ESR1: variants seen among roughly 807,000 people sequenced by gnomAD.
ESR1 encodes estrogen receptor 1, also known as estrogen receptor.
In ESR1, 12 loss-of-function variants were observed where a neutral mutation model predicts 52.7. The ratio of observed to expected loss-of-function variants is 0.23; its 90% CI spans 0.15 to 0.37. The LOEUF (loss-of-function observed/expected upper bound fraction) is 0.37. Ranked by LOEUF, ESR1 falls within the 10% of genes least tolerant of loss-of-function variation. ESR1 has a pLI of 1.00. For missense variants in ESR1, 584 were observed against 779.7 expected (o/e 0.75, Z 2.99); for synonymous variants, 305 against 316.8 (o/e 0.96, Z 0.39).
chr6:151,806,530 GTATATATATATA>G (rs56020486), upstream of ESR1, among the ~76,000 whole-genome samples: 32 of 96,446 alleles, frequency 3.3e-4, no homozygotes, highest in Admixed American at 9.5e-4. Context: ...TCCTTAATAT[GTATATATATATA>G]TATATATATA....
intron 4 of ESR1, among the ~76,000 whole-genome samples, chr6:151,969,502 T>C (rs1426867267): frequency 6.6e-6 from 1 of 152,212 alleles, no homozygotes; most frequent in Non-Finnish European, 1.5e-5. Flanking sequence ...CATTTTCCCA[T>C]GTCTCCCATC....
At chr6:151,792,019 A>T (rs1225637442) in intron 2 of ESR1, among the ~76,000 whole-genome samples, 1 of 152,222 alleles carries the variant, frequency 6.6e-6, no homozygotes, top group Admixed American at 6.5e-5. Flanking sequence ...TGCCAACCTC[A>T]GTGGTATAGC....
In ESR1 at chr6:151,808,042, C is replaced by G. The variant is rs746329715; in HGVS notation, c.130C>G (p.Leu44Val). 6.2e-7 allele frequency: 1 copy of G among 1,613,640 alleles called. No individual in the cohort carries two copies. The highest frequency in any genetic ancestry group is 1.7e-5 in the Admixed American group (1 of 59,990). Residue 44 changes from leucine to valine, a missense_variant, in exon 1 of 8, where the codon CTG becomes GTG. Around this residue, in one of 6 missense-constraint regions of ESR1, gnomAD observed 251 missense variants for 246.1 expected, o/e 1.02. Coordinates refer to ENST00000206249, the MANE Select transcript of ESR1 (RefSeq NM_000125.4). ...PLERPLGEVY[L>V]DSSKPAVYNY... ...GGAGCGGCCCCTGGGCGAGGTGTAC[C>G]TGGACAGCAGCAAGCCCGCCGTGTA... is the stretch of plus-strand genomic sequence containing the variant.
intron 6 of ESR1, among the ~76,000 whole-genome samples, chr6:152,109,981 C>T (rs1299404205): frequency 2.0e-5 from 3 of 152,206 alleles, no homozygotes; most frequent in Admixed American, 6.5e-5. Flanking sequence ...TACACACCCA[C>T]ATTCATACAC....
chr6:151,746,917 T>C (rs1783526105), intron 2 of ESR1, among the ~76,000 whole-genome samples: 1 of 152,204 alleles, frequency 6.6e-6, no homozygotes, highest in Non-Finnish European at 1.5e-5. Flanking sequence ...TGGATTGTGG[T>C]GGCATTACAT....
intron 2 of ESR1, among the ~76,000 whole-genome samples, chr6:151,738,533 T>C (rs1030156350): frequency 1.3e-5 from 2 of 152,226 alleles, no homozygotes; most frequent in African/African-American, 4.8e-5. Flanking sequence ...CTCGCTATTT[T>C]TTGGGTGTTA....
At chr6:151,909,289 A>G (rs954483383) in intron 3 of ESR1, among the ~76,000 whole-genome samples, 4 of 152,202 alleles carry the variant, frequency 2.6e-5, no homozygotes, top group Admixed American at 6.5e-5. Flanking sequence ...GCAAAAGAGT[A>G]GAGATGTTTT....
At chr6:151,743,731 T>C (rs1011207828) in intron 2 of ESR1, among the ~76,000 whole-genome samples, 4 of 152,228 alleles carry the variant, frequency 2.6e-5, no homozygotes, top group African/African-American at 9.6e-5. Flanking sequence ...ACTCTCCCAA[T>C]GTGTCATTTA....
chr6:151,837,851 G>C (rs1477017718), intron 1 of ESR1, among the ~76,000 whole-genome samples: 5 of 152,130 alleles, frequency 3.3e-5, no homozygotes, highest in Non-Finnish European at 5.9e-5. Flanking sequence ...TAGTAATTTT[G>C]CTAAAGAAGT....
rs537456317 is a variant in ESR1 at position 151,807,763 on chromosome 6, G to A, written c.-150G>A. 3.8e-6 allele frequency: 3 copies of A among 792,508 alleles called. No homozygotes were observed. The African/African-American group carries it at 5.1e-5, about 13-fold the overall frequency. 49.1% of individuals were successfully genotyped at this position (792,508 alleles called of 1,614,324 possible). Reference sequence around the variant, plus strand: ...TTCACCGGACCCGCAGGCTCCCGGGGCAGGGCCGGGGCCAGAGCTCGCGTG... The same window carrying A: ...TTCACCGGACCCGCAGGCTCCCGGGACAGGGCCGGGGCCAGAGCTCGCGTG... On this transcript the variant is annotated 5_prime_UTR_variant, in exon 1 of 8. Coordinates refer to ENST00000206249, the MANE Select transcript of ESR1 (RefSeq NM_000125.4).
chr6:151,939,814 T>A (rs567659552), intron 3 of ESR1, among the ~76,000 whole-genome samples: 2 of 152,268 alleles, frequency 1.3e-5, no homozygotes, highest in Non-Finnish European at 2.9e-5. Flanking sequence ...TGTACCTACA[T>A]AATGGATTAA....
intron 5 of ESR1, among the ~76,000 whole-genome samples, chr6:152,033,584 C>G (rs1379741642): frequency 6.6e-6 from 1 of 152,150 alleles, no homozygotes. Context: ...CAAATCAAAA[C>G]CACAATGAGA....
intron 6 of ESR1, among the ~76,000 whole-genome samples, chr6:152,093,647 C>T (rs1273285700): frequency 2.0e-5 from 3 of 152,114 alleles, no homozygotes; most frequent in Non-Finnish European, 4.4e-5. Flanking sequence ...GGATCTATTT[C>T]AGAAAATAGG....
chr6:151,910,591 A>T (rs1798113804), intron 3 of ESR1, among the ~76,000 whole-genome samples: 1 of 152,208 alleles, frequency 6.6e-6, no homozygotes, highest in Non-Finnish European at 1.5e-5. Context: ...CTATAAAATG[A>T]TGATGAAAAT....
intron 3 of ESR1, among the ~76,000 whole-genome samples, chr6:151,910,611 A>G (rs1277922359): frequency 6.6e-6 from 1 of 152,192 alleles, no homozygotes; most frequent in Non-Finnish European, 1.5e-5. Context: ...TTTTATCAGT[A>G]TCTGTCTCAA....
At position 152,071,589 on chromosome 6, in the gene ESR1, A is replaced by G. The variant is rs555739779; in HGVS notation, c.1369+10465A>G. Among the ~76,000 whole-genome samples, 9 of 152,300 alleles carry G rather than the reference A, an allele frequency of 5.9e-5. No homozygotes were observed. In the South Asian group the frequency reaches 8.3e-4, roughly 14 times the overall value. On this transcript the variant is annotated intron_variant, in intron 6 of 7. Coordinates refer to ENST00000206249, the MANE Select transcript of ESR1 (RefSeq NM_000125.4). ...CTTAGAACAATACCTACTTAAACTA[A>G]CAATTTGTATTAGGTACTGTTTTAT... is the stretch of plus-strand genomic sequence containing the variant.
chr6:152,076,346 T>C lies in ESR1; in HGVS notation c.1369+15222T>C, dbSNP rs562125439. ...TGCCTTTCGCCTCCCACCATGATTC[T>C]GAATTCTGAACCCTCCCCAGCCATG... On this transcript the variant is annotated intron_variant, in intron 6 of 7. Transcript: ENST00000206249. Among the ~76,000 whole-genome samples, 13 of 152,356 alleles carry C rather than the reference T, an allele frequency of 8.5e-5. No individual in the cohort carries two copies. The East Asian group carries it at 2.3e-3, about 27-fold the overall frequency.
At chr6:151,924,740 A>T (rs1000403666) in intron 3 of ESR1, among the ~76,000 whole-genome samples, 2 of 152,054 alleles carry the variant, frequency 1.3e-5, no homozygotes, top group Admixed American at 6.5e-5. Context: ...CTCCAGCTCC[A>T]TCCTTGTTCC....
At chr6:151,699,084 C>G (rs1779582399) in intron 1 of ESR1, among the ~76,000 whole-genome samples, 1 of 152,204 alleles carries the variant, frequency 6.6e-6, no homozygotes. Flanking sequence ...TCACTTAGAA[C>G]AGTTCACGTA....
Sources: gnomAD v4.1 joint callset for allele counts (sites outside exome capture counted in the v4.1 genomes callset) on GRCh38, gnomAD v4.1.1 for gene constraint, gnomAD v4.1.1 regional missense constraint, MANE v1.5 for transcripts, NCBI Gene and HGNC (gene_info 2026-07-23, HGNC 2026-07-21) for gene names.